The following TFDP2 variants were observed in gnomAD, a reference collection of about 807,000 sequenced individuals.
TFDP2 encodes transcription factor Dp-2 (E2F dimerization partner 2).
A neutral mutation model predicts 59.3 loss-of-function variants in TFDP2; 17 were observed. That is an observed-to-expected ratio of 0.29 (90% CI 0.20 to 0.43). The LOEUF (loss-of-function observed/expected upper bound fraction) is 0.43. Among genes scored for constraint, TFDP2 ranks in the 20% least tolerant of loss-of-function variants. The probability of loss-of-function intolerance (pLI) is 1.00; values close to 1 mark genes in which losing one functional copy is unlikely to be tolerated. For missense variants in TFDP2, 391 were observed against 528.8 expected (o/e 0.74, Z 2.56); for synonymous variants, 180 against 194.7 (o/e 0.92, Z 0.63).
In TFDP2 at chr3:142,121,158, G is replaced by T. The variant is rs1426105315; in HGVS notation, c.-92-19317C>A. ...CTCACATTGAATGAATTTTTAAAAAGTCAGAAGTTTTAACCAGCAACTGAG... is the reference window on the plus strand; with the variant it reads ...CTCACATTGAATGAATTTTTAAAAATTCAGAAGTTTTAACCAGCAACTGAG... On this transcript the variant is annotated intron_variant, in intron 1 of 12. Transcript: ENST00000489671. This position sits in a 1 kb window ranked among gnomAD's most constrained non-coding sequence, Gnocchi z 4.3. Among the ~76,000 whole-genome samples the T allele has an allele frequency of 2.0e-5, 3 of 152,114 alleles. No homozygotes were observed. The highest frequency in any genetic ancestry group is 4.4e-5 in the Non-Finnish European group (3 of 68,024).
At position 141,970,081 on chromosome 3, in the gene TFDP2, G is replaced by C; in HGVS notation, c.724C>G (p.Leu242Val). Reference sequence around the variant, plus strand: ...CATCTCGGTATCTTTACCTGTAGGAGAAGTTCTTGCAGCTGGGCCCGCTTC... The same window carrying C: ...CATCTCGGTATCTTTACCTGTAGGACAAGTTCTTGCAGCTGGGCCCGCTTC... Reference protein sequence around the residue: ...KQKRAQLQELLLQQIAFKNLV... With the variant: ...KQKRAQLQELVLQQIAFKNLV... The change falls in exon 9 of 13, where the codon CTC becomes GTC. Residue 242 changes from leucine (L) to valine (V), a missense_variant. Coordinates refer to ENST00000489671, the MANE Select transcript of TFDP2 (RefSeq NM_001178139.2). 1 of 1,614,058 alleles carries C rather than the reference G, an allele frequency of 6.2e-7. No homozygotes were observed. Among genetic ancestry groups the C allele is most frequent in the Non-Finnish European group, 8.5e-7 (1 of 1,179,890 alleles).
intron 6 of TFDP2, among the ~76,000 whole-genome samples, chr3:141,987,290 TGTG>T (rs763875591): frequency 1.1e-4 from 16 of 151,428 alleles, no homozygotes; most frequent in Admixed American, 2.6e-4. Context: ...TGTGTGTGTG[TGTG>T]TGTGTTTTAG....
chr3:142,001,784 A>T (rs1365544865), intron 4 of TFDP2, among the ~76,000 whole-genome samples: 2 of 152,226 alleles, frequency 1.3e-5, no homozygotes, highest in Non-Finnish European at 2.9e-5. Context: ...ATCCAATTTC[A>T]CGGCTCCTAA....
At chr3:142,091,547 CAG>C (rs1394805799) in intron 3 of TFDP2, among the ~76,000 whole-genome samples, 1 of 151,144 alleles carries the variant, frequency 6.6e-6, no homozygotes, top group Non-Finnish European at 1.5e-5. Flanking sequence ...GCCTGGGCAA[CAG>C]AGTGAGACTC....
chr3:141,971,327 C>A (rs1315599170), intron 8 of TFDP2, among the ~76,000 whole-genome samples: 1 of 140,254 alleles, frequency 7.1e-6, no homozygotes, highest in East Asian at 2.0e-4. Flanking sequence ...CGAGACCAGC[C>A]TGGCCAAGAG....
At chr3:142,038,145 G>A (rs1946775187) in intron 3 of TFDP2, among the ~76,000 whole-genome samples, 1 of 152,184 alleles carries the variant, frequency 6.6e-6, no homozygotes, top group African/African-American at 2.4e-5. Flanking sequence ...AGCACTCTGG[G>A]AGGCCGAAGC....
intron 3 of TFDP2, among the ~76,000 whole-genome samples, chr3:142,083,493 G>GA (rs2108589501): frequency 6.6e-6 from 1 of 152,156 alleles, no homozygotes; most frequent in East Asian, 1.9e-4. Flanking sequence ...CACAGAAATA[G>GA]AAAAAACAAT....
chr3:142,027,673 T>A (rs1946193864), intron 3 of TFDP2, among the ~76,000 whole-genome samples: 1 of 152,190 alleles, frequency 6.6e-6, no homozygotes, highest in African/African-American at 2.4e-5. Flanking sequence ...ATAAGACGTG[T>A]CTAATAGAAT....
At chr3:141,973,123 A>ATATATATATATTTTTTTTTTT in intron 8 of TFDP2, among the ~76,000 whole-genome samples, 149 of 57,916 alleles carry the variant, frequency 2.6e-3, no homozygotes, top group Non-Finnish European at 4.1e-3. Context: ...ATATATATAT[A>ATATATATATATTTTTTTTTTT]TTTTTTTTTT....
chr3:142,103,014 T>C (rs977473492), intron 1 of TFDP2, among the ~76,000 whole-genome samples: 5 of 152,130 alleles, frequency 3.3e-5, no homozygotes, highest in Admixed American at 3.3e-4. Flanking sequence ...GGCGAGTGGA[T>C]CACCTGAGGT....
chr3:141,993,438 A>T lies in TFDP2; in HGVS notation c.356+100T>A. 5.9e-6 allele frequency: 4 copies of T among 680,218 alleles called. No homozygotes were observed. The Admixed American group carries it at 1.2e-4, about 20-fold the overall frequency. The allele number at this position is 680,218 out of a possible 1,614,324, so 42.1% of individuals were successfully genotyped here. On this transcript the variant is annotated intron_variant, in intron 6 of 12. Transcript: ENST00000489671. ...GCAAGAACTGAAAGAAGTTAAAGTT[A>T]CATGAAGAAAAACATCGCATTAAAC... is the stretch of plus-strand genomic sequence containing the variant.
chr3:142,102,995 G>A (rs1225415801), intron 1 of TFDP2, among the ~76,000 whole-genome samples: 1 of 152,192 alleles, frequency 6.6e-6, no homozygotes, highest in African/African-American at 2.4e-5. Flanking sequence ...CAGCACTTTG[G>A]GAGGCTGAGG....
chr3:141,968,759 T>A (rs867674154), intron 9 of TFDP2, among the ~76,000 whole-genome samples: 6 of 74,578 alleles, frequency 8.0e-5, no homozygotes, highest in South Asian at 7.0e-4. Context: ...TAGATATATA[T>A]AACATATATA....
chr3:142,045,607 T>C (rs1275084207), intron 3 of TFDP2, among the ~76,000 whole-genome samples: 1 of 115,776 alleles, frequency 8.6e-6, no homozygotes, highest in African/African-American at 3.6e-5. Flanking sequence ...CTAGGTATTA[T>C]TTGACTTTTT....
At chr3:141,991,614 G>A (rs565387715) in intron 6 of TFDP2, among the ~76,000 whole-genome samples, 2 of 151,604 alleles carry the variant, frequency 1.3e-5, no homozygotes, top group East Asian at 2.0e-4. Context: ...AAAAATTAGC[G>A]GGCACACGCC....
rs983907152 is a variant in TFDP2 at position 142,123,249 on chromosome 3, C to G, written c.-92-21408G>C. 5.9e-5 allele frequency among the ~76,000 whole-genome samples: 9 copies of G among 152,336 alleles called. No individual in the cohort carries two copies. The East Asian group carries it at 1.7e-3, about 29-fold the overall frequency. ...TCCTGGGTTCAAGTGATTCTCCTGC[C>G]TCAGCCTCCCGAGTAGCTGGGACTA... is the stretch of plus-strand genomic sequence containing the variant. On this transcript the variant is annotated intron_variant, in intron 1 of 12. Transcript: ENST00000489671.
chr3:142,134,984 A>G (rs946266186), intron 1 of TFDP2, among the ~76,000 whole-genome samples: 1 of 152,098 alleles, frequency 6.6e-6, no homozygotes, highest in Non-Finnish European at 1.5e-5. Flanking sequence ...TCCCTTGTTC[A>G]TAACAGCATC....
chr3:142,001,989 GGT>G (rs1491251249), intron 4 of TFDP2, among the ~76,000 whole-genome samples: 7,504 of 137,480 alleles, frequency 0.055, 184 homozygotes, highest in Middle Eastern at 0.1. Context: ...CACCATGCCT[GGT>G]TTTTTTTTTT....
intron 6 of TFDP2, among the ~76,000 whole-genome samples, chr3:141,983,623 GAAAAA>G (rs35735051): frequency 1.4e-4 from 10 of 73,046 alleles, no homozygotes; most frequent in African/African-American, 5.1e-4. Context: ...AATGTCTCAA[GAAAAA>G]AAAAAAAAAA....
Sources: gnomAD v4.1 joint callset for allele counts (sites outside exome capture counted in the v4.1 genomes callset) on GRCh38, gnomAD v4.1.1 for gene constraint, Gnocchi (gnomAD v3.1) non-coding constraint, MANE v1.5 for transcripts, NCBI Gene and HGNC (gene_info 2026-07-23, HGNC 2026-07-21) for gene names.